SORCS3: variants seen among roughly 807,000 people sequenced by gnomAD.
SORCS3 encodes the protein sortilin related VPS10 domain containing receptor 3, also known as VPS10 domain-containing receptor SorCS3.
In SORCS3, 57 loss-of-function variants were observed where a neutral mutation model predicts 146.3. The observed-to-expected ratio is 0.39, with a 90% CI of 0.31 to 0.49. The LOEUF is 0.49. SORCS3 is among the 20% of genes least tolerant of loss of function. The pLI, the probability that SORCS3 is intolerant of heterozygous loss-of-function variation, is 0.92. For synonymous variants in SORCS3, 653 were observed against 618.5 expected (o/e 1.06, Z -0.83); for missense variants, 1,341 against 1,575.5 (o/e 0.85, Z 2.52).
Position 105,201,180 on chromosome 10 carries a change from T to C in SORCS3, c.2188T>C (p.Cys730Arg). ...CAAGAAACGTAAGCCAGGAGCTCAG[T>C]GTGCCCTGGGCCGAGACCACTCAGG... ...IFKKRKPGAQ[C>R]ALGRDHSGSV... Residue 730 changes from cysteine (C) to arginine (R), a missense_variant, in exon 16 of 27, where the codon TGT (cysteine) becomes CGT (arginine). Physicochemically the swap from Cys to Arg is radical, Grantham distance 180. Coordinates refer to ENST00000369701, the MANE Select transcript of SORCS3 (RefSeq NM_014978.3). The C allele has an allele frequency of 1.9e-6, 3 of 1,612,682 alleles. No individual in the cohort carries two copies. The highest frequency in any genetic ancestry group is 2.5e-6 in the Non-Finnish European group (3 of 1,179,306).
intron 1 of SORCS3, among the ~76,000 whole-genome samples, chr10:104,643,101 T>A (rs947726047): frequency 6.6e-6 from 1 of 152,212 alleles, no homozygotes; most frequent in Non-Finnish European, 1.5e-5. Flanking sequence ...CTTCTCTGGC[T>A]CCATGGTTCA....
chr10:104,997,792 A>C (rs2055036354), intron 4 of SORCS3, among the ~76,000 whole-genome samples: 1 of 152,144 alleles, frequency 6.6e-6, no homozygotes, highest in Non-Finnish European at 1.5e-5. Flanking sequence ...GCAAATCTTT[A>C]CTGAGGACTT....
intron 3 of SORCS3, among the ~76,000 whole-genome samples, chr10:104,918,442 G>A (rs776235292): frequency 5.9e-5 from 9 of 152,168 alleles, no homozygotes; most frequent in African/African-American, 1.2e-4. Context: ...CAGTGATAGC[G>A]TAGGGGTTCA....
chr10:104,993,606 A>C (rs1308611568), intron 4 of SORCS3, among the ~76,000 whole-genome samples: 1 of 150,968 alleles, frequency 6.6e-6, no homozygotes, highest in African/African-American at 2.4e-5. Flanking sequence ...GGTGGCTGGG[A>C]AATTCACTCT....
rs183087260 is a variant in SORCS3 at position 105,021,277 on chromosome 10, G to C, written c.955-21778G>C. ...TCATCCCATGGTGGAAGGGCAAAGA[G>C]AGGGCAAGAGAGAGCAAGAAATCAA... is the stretch of plus-strand genomic sequence containing the variant. On this transcript the variant is annotated intron_variant, in intron 4 of 26. Coordinates refer to ENST00000369701, the MANE Select transcript of SORCS3 (RefSeq NM_014978.3). 2.2e-4 allele frequency among the ~76,000 whole-genome samples: 34 copies of C among 152,256 alleles called. 1 individual carries two copies. The highest frequency in any genetic ancestry group is 2.2e-3 in the Admixed American group (33 of 15,288).
At chr10:105,179,561 G>A (rs1465855873) in intron 14 of SORCS3, among the ~76,000 whole-genome samples, 2 of 152,174 alleles carry the variant, frequency 1.3e-5, no homozygotes, top group Non-Finnish European at 2.9e-5. Flanking sequence ...GATCTTGGAA[G>A]TATTCATCAA....
At chr10:104,752,016 A>G (rs1433170112) in intron 1 of SORCS3, among the ~76,000 whole-genome samples, 1 of 135,172 alleles carries the variant, frequency 7.4e-6, no homozygotes, top group Non-Finnish European at 1.6e-5. Context: ...TGCCTTTAAA[A>G]GCTCTGTTAA....
intron 2 of SORCS3, among the ~76,000 whole-genome samples, chr10:104,876,703 T>TTTCCTTCCTTCCTTCCTTCCTTCC (rs747594890): frequency 3.4e-4 from 36 of 104,720 alleles, no homozygotes; most frequent in South Asian, 1.5e-3. Context: ...TGGTCCAGGT[T>TTTCCTTCCTTCCTTCCTTCCTTCC]TTCCTTCCTT....
intron 3 of SORCS3, among the ~76,000 whole-genome samples, chr10:104,941,805 C>T (rs2019322750): frequency 6.9e-6 from 1 of 144,554 alleles, no homozygotes; most frequent in Non-Finnish European, 1.5e-5. Flanking sequence ...TGCTCTGGCT[C>T]CAAAGCAAAG....
chr10:105,157,250 T>G lies in SORCS3; in HGVS notation c.1595T>G (p.Val532Gly), dbSNP rs775572607. Reference sequence around the variant, plus strand: ...TGGCGCCTGCTGCAAGCTCCGGATGTGGACCTGAGAGGAAGCCCAGTGCAC... The same window carrying G: ...TGGCGCCTGCTGCAAGCTCCGGATGGGGACCTGAGAGGAAGCCCAGTGCAC... Reference protein sequence around the residue: ...RDWRLLQAPDVDLRGSPVHCL... With the variant: ...RDWRLLQAPDGDLRGSPVHCL... Residue 532 changes from valine to glycine, a missense_variant, in exon 10 of 27, where the codon GTG becomes GGG. By Grantham distance (109) the Val-to-Gly change is moderately radical. Transcript: ENST00000369701. The G allele has an allele frequency of 1.9e-6, 3 of 1,614,074 alleles. No homozygotes were observed. In the East Asian group the frequency reaches 6.7e-5, roughly 36 times the overall value.
chr10:104,722,893 C>T (rs1025041281), intron 1 of SORCS3, among the ~76,000 whole-genome samples: 13 of 151,960 alleles, frequency 8.6e-5, no homozygotes, highest in East Asian at 3.9e-4. Context: ...GTCTTGCTAG[C>T]GGTCTATCAA....
chr10:105,234,178 C>A (rs1422503063), intron 20 of SORCS3, among the ~76,000 whole-genome samples: 1 of 152,044 alleles, frequency 6.6e-6, no homozygotes, highest in Non-Finnish European at 1.5e-5. Context: ...TTTTTTCCCT[C>A]AACCCTTTAA....
chr10:105,215,644 G>A (rs933981310), intron 18 of SORCS3, among the ~76,000 whole-genome samples: 6 of 152,146 alleles, frequency 3.9e-5, no homozygotes, highest in East Asian at 1.9e-4. Context: ...GAAGAGCCAC[G>A]ATCTTATCCG....
intron 10 of SORCS3, among the ~76,000 whole-genome samples, chr10:105,158,046 G>A (rs996775370): frequency 2.1e-4 from 32 of 152,036 alleles, no homozygotes; most frequent in Non-Finnish European, 2.9e-5. Context: ...ACAGCAAATA[G>A]CGCTCTTTCC....
At chr10:104,838,418 G>T (rs1589518855) in intron 1 of SORCS3, among the ~76,000 whole-genome samples, 5 of 152,210 alleles carry the variant, frequency 3.3e-5, no homozygotes, top group Admixed American at 3.3e-4. Flanking sequence ...GGAGAGGTCG[G>T]GGTGGGCAGG....
At chr10:105,201,521 G>A (rs1440622552) in intron 16 of SORCS3, among the ~76,000 whole-genome samples, 1 of 152,196 alleles carries the variant, frequency 6.6e-6, no homozygotes, top group Non-Finnish European at 1.5e-5. Context: ...TCTACACTGA[G>A]CAGCTGTATT....
chr10:104,828,594 C>A (rs2017965609), intron 1 of SORCS3, among the ~76,000 whole-genome samples: 1 of 152,040 alleles, frequency 6.6e-6, no homozygotes. Context: ...ACAAGGTGGG[C>A]ACATGCTGTT....
chr10:105,086,326 G>A (rs1379801087), intron 5 of SORCS3, among the ~76,000 whole-genome samples: 2 of 152,182 alleles, frequency 1.3e-5, no homozygotes, highest in Non-Finnish European at 2.9e-5. Context: ...AACCACAGGT[G>A]TCCACTCTAG....
At chr10:105,128,720 A>G (rs969656115) in intron 7 of SORCS3, among the ~76,000 whole-genome samples, 3 of 152,144 alleles carry the variant, frequency 2.0e-5, no homozygotes, top group African/African-American at 7.2e-5. Flanking sequence ...GCCCCACGCA[A>G]TCATTAGGAT....
Sources: gnomAD v4.1 joint callset for allele counts (sites outside exome capture counted in the v4.1 genomes callset) on GRCh38, gnomAD v4.1.1 for gene constraint, MANE v1.5 for transcripts, NCBI Gene and HGNC (gene_info 2026-07-23, HGNC 2026-07-21) for gene names.